The following FAM53B variants were observed in gnomAD, a reference collection of about 807,000 sequenced individuals.
The protein encoded by FAM53B is family with sequence similarity 53 member B, also known as protein FAM53B.
FAM53B carries 12 observed loss-of-function variants against 32.7 expected under a neutral mutation model. The ratio of observed to expected loss-of-function variants is 0.37; its 90% confidence interval spans 0.24 to 0.59. The LOEUF is 0.59. Among genes scored for constraint, FAM53B ranks in the 20% least tolerant of loss-of-function variants. FAM53B has a pLI of 0.72. For missense variants in FAM53B, 477 were observed against 577.7 expected (o/e 0.83, Z 1.79); for synonymous variants, 234 against 228.7 (o/e 1.02, Z -0.21).
At chr10:124,695,433 T>C (rs985299548) in intron 3 of FAM53B, among the ~76,000 whole-genome samples, 6 of 152,212 alleles carry the variant, frequency 3.9e-5, no homozygotes, top group African/African-American at 1.4e-4. Context: ...CTGGAAGGCA[T>C]GTCAGCAAAA....
At chr10:124,726,534 C>T (rs540164722) in intron 1 of FAM53B, among the ~76,000 whole-genome samples, 1 of 152,320 alleles carries the variant, frequency 6.6e-6, no homozygotes. Context: ...GAAGGGCTTT[C>T]AGGCAATGGA....
chr10:124,681,342 C>T (rs1949769767), intron 4 of FAM53B, among the ~76,000 whole-genome samples: 2 of 152,184 alleles, frequency 1.3e-5, no homozygotes, highest in South Asian at 2.1e-4. Flanking sequence ...TGCCCACCAA[C>T]ACCCCGCCTC....
At chr10:124,709,655 C>A (rs545279022) in intron 1 of FAM53B, among the ~76,000 whole-genome samples, 1 of 152,246 alleles carries the variant, frequency 6.6e-6, no homozygotes, top group East Asian at 1.9e-4. Context: ...ACAAGCAGGG[C>A]AAACTGGTTA....
chr10:124,730,905 G>A (rs1221217788), intron 1 of FAM53B, among the ~76,000 whole-genome samples: 1 of 152,172 alleles, frequency 6.6e-6, no homozygotes, highest in Admixed American at 6.5e-5. Context: ...TGTAGACCCT[G>A]TGGTCTATAA....
intron 4 of FAM53B, among the ~76,000 whole-genome samples, chr10:124,640,905 G>T (rs541729874): frequency 9.2e-4 from 140 of 152,372 alleles, no homozygotes; most frequent in Non-Finnish European, 1.7e-3. Flanking sequence ...AGGCCGCAGA[G>T]GGCACGCCCC....
At chr10:124,680,235 G>GC (rs1949760746) in intron 4 of FAM53B, among the ~76,000 whole-genome samples, 1 of 152,184 alleles carries the variant, frequency 6.6e-6, no homozygotes, top group African/African-American at 2.4e-5. Context: ...CAAGAGCTCT[G>GC]CCCCACACCC....
intron 3 of FAM53B, among the ~76,000 whole-genome samples, chr10:124,683,606 T>C (rs1329620717): frequency 2.6e-5 from 4 of 152,070 alleles, no homozygotes; most frequent in Non-Finnish European, 5.9e-5. Flanking sequence ...AGACCAAGGC[T>C]TGGGGGACAC....
chr10:124,696,306 G>GTGAC (rs1949869888), intron 2 of FAM53B, 94 bp from the exon 3 acceptor site: 2 of 1,079,824 alleles, frequency 1.9e-6, no homozygotes, highest in South Asian at 2.6e-5. Context: ...CAATAAAAGG[G>GTGAC]TGACTGTCCT....
At chr10:124,687,039 G>C (rs10444190) in intron 3 of FAM53B, among the ~76,000 whole-genome samples, 59,183 of 152,150 alleles carry the variant, frequency 0.39, 13,354 homozygotes, top group Non-Finnish European at 0.51. Flanking sequence ...TATTGTAATT[G>C]TTTCTATCTT....
chr10:124,646,517 T>C (rs541266139), intron 4 of FAM53B, among the ~76,000 whole-genome samples: 2 of 152,298 alleles, frequency 1.3e-5, no homozygotes, highest in African/African-American at 4.8e-5. Context: ...GCGCCTTCTG[T>C]TTCCTCCCTG....
intron 1 of FAM53B, among the ~76,000 whole-genome samples, chr10:124,741,459 C>T (rs1289425423): frequency 6.6e-6 from 1 of 152,118 alleles, no homozygotes; most frequent in East Asian, 1.9e-4. Flanking sequence ...AAAAGAGCTC[C>T]GCAGCGTCCC....
chr10:124,718,174 AG>A (rs886482861), intron 1 of FAM53B, among the ~76,000 whole-genome samples: 2 of 152,044 alleles, frequency 1.3e-5, no homozygotes, highest in African/African-American at 4.8e-5. Context: ...GGGACATGAC[AG>A]GTGATGCAAG....
At chr10:124,738,540 C>T (rs945139191) in intron 1 of FAM53B, among the ~76,000 whole-genome samples, 3 of 151,878 alleles carry the variant, frequency 2.0e-5, no homozygotes, top group African/African-American at 7.3e-5. Context: ...GATGGGTCTC[C>T]TTATTCTTCC....
At chr10:124,742,877 G>A (rs1215867353) in intron 1 of FAM53B, 1 of 152,190 alleles carries the variant, frequency 6.6e-6, no homozygotes, top group African/African-American at 2.4e-5. Flanking sequence ...GTACCGTATG[G>A]AAGACTCGGA....
chr10:124,730,350 G>A (rs1051679018), intron 1 of FAM53B, among the ~76,000 whole-genome samples: 8 of 152,226 alleles, frequency 5.3e-5, no homozygotes, highest in Non-Finnish European at 4.4e-5. Context: ...AGTGAACCAG[G>A]AGCTGAGGTT....
chr10:124,732,184 T>G (rs1950147874), intron 1 of FAM53B, among the ~76,000 whole-genome samples: 1 of 152,174 alleles, frequency 6.6e-6, no homozygotes, highest in African/African-American at 2.4e-5. Flanking sequence ...AGGGAACAAG[T>G]GCCTGGGCTC....
Position 124,623,595 on chromosome 10 carries a change from T to C in FAM53B, c.916A>G (p.Thr306Ala), listed in dbSNP as rs1165486332. ...CTCAGGCAGCTGAGGCTGCTGAAGGTCTGACAGTTCTGTGGAGGGGCAGAC... is the reference window on the plus strand; with the variant it reads ...CTCAGGCAGCTGAGGCTGCTGAAGGCCTGACAGTTCTGTGGAGGGGCAGAC... ...DLAKMAQNCQ[T>A]FSSLSCLSAG... Residue 306 changes from threonine (T) to alanine (A), a missense_variant, in exon 5 of 5, where the codon ACC (threonine) becomes GCC (alanine). Thr to Ala is a moderately conservative substitution (Grantham distance 58). This residue lies in a region of FAM53B where 312 missense variants were observed against 420.2 expected (regional missense o/e 0.74). Transcript: ENST00000337318. 1 of 1,609,116 alleles carries C rather than the reference T, an allele frequency of 6.2e-7. No individual in the cohort carries two copies. Among genetic ancestry groups the C allele is most frequent in the Non-Finnish European group, 8.5e-7 (1 of 1,179,404 alleles).
intron 4 of FAM53B, among the ~76,000 whole-genome samples, chr10:124,642,137 T>C (rs1949479629): frequency 6.6e-6 from 1 of 152,338 alleles, no homozygotes; most frequent in Middle Eastern, 3.4e-3. Context: ...ACAAGTGCAG[T>C]CAGTGGCTGT....
At chr10:124,670,151 G>A (rs1379520292) in intron 4 of FAM53B, among the ~76,000 whole-genome samples, 3 of 152,116 alleles carry the variant, frequency 2.0e-5, no homozygotes, top group South Asian at 2.1e-4. Context: ...AACAGAGGGC[G>A]GGCGGTGACA....
Sources: allele counts gnomAD v4.1 joint callset (sites outside exome capture counted in the v4.1 genomes callset), GRCh38; gene constraint gnomAD v4.1.1; regional missense constraint gnomAD v4.1.1; transcripts MANE v1.5; gene names NCBI Gene and HGNC (gene_info 2026-07-23, HGNC 2026-07-21).